The following PPP1R12A variants were observed in gnomAD, a reference collection of about 807,000 sequenced individuals.
PPP1R12A encodes the protein myosin binding subunit.
Under a neutral mutation model 139.6 loss-of-function variants are expected in PPP1R12A, and 19 were observed. The ratio of observed to expected loss-of-function variants is 0.14; its 90% CI spans 0.09 to 0.20. The LOEUF is 0.20. Among genes scored for constraint, PPP1R12A ranks in the 10% least tolerant of loss-of-function variants. The pLI is 1.00. For synonymous variants in PPP1R12A, 427 were observed against 420.6 expected, an observed-to-expected ratio of 1.02 and a Z score of -0.19; for missense variants, 925 against 1,211.5, an observed-to-expected ratio of 0.76 and a Z score of 3.51.
chr12:79,845,214 T>C, intron 3 of PPP1R12A, 88 bp downstream of exon 3: 1 of 931,490 alleles, frequency 1.1e-6, no homozygotes, highest in Non-Finnish European at 1.7e-6. Flanking sequence ...AAATTATGAT[T>C]GCCCTTCAAT....
intron 1 of PPP1R12A, among the ~76,000 whole-genome samples, chr12:79,877,158 A>G (rs1565792663): frequency 1.3e-5 from 2 of 152,134 alleles, no homozygotes; most frequent in South Asian, 4.2e-4. Flanking sequence ...TGGAGGGAAG[A>G]AGTGTGAGGG....
chr12:79,829,816 G>C (rs141288874), intron 4 of PPP1R12A, among the ~76,000 whole-genome samples: 75 of 152,114 alleles, frequency 4.9e-4, no homozygotes, highest in African/African-American at 1.7e-3. Context: ...TTAGAAGTCT[G>C]TGTGGCGAGA....
intron 5 of PPP1R12A, among the ~76,000 whole-genome samples, chr12:79,826,799 T>G (rs1208719829): frequency 1.3e-5 from 2 of 152,190 alleles, no homozygotes; most frequent in East Asian, 3.8e-4. Context: ...ACACCATGTT[T>G]CAACTTGTAA....
chr12:79,853,234 T>C (rs1880263221), intron 2 of PPP1R12A, among the ~76,000 whole-genome samples: 1 of 152,230 alleles, frequency 6.6e-6, no homozygotes, highest in African/African-American at 2.4e-5. Flanking sequence ...GTCCCTCTAC[T>C]AGTATTTAAA....
In PPP1R12A at chr12:79,830,103, T is replaced by TA. The variant is rs767888100; in HGVS notation, c.648-1640dup. ...TTCATAAGTAATATGTTCACAAAGT[T>TA]AAAAAAAAAAAGAATGAAAGGATAC... On this transcript the variant is annotated intron_variant, in intron 4 of 24. Coordinates refer to ENST00000450142, the MANE Select transcript of PPP1R12A (RefSeq NM_002480.3). Among the ~76,000 whole-genome samples the TA allele has an allele frequency of 3.0e-3, 444 of 145,648 alleles. 2 individuals carry two copies. The highest frequency in any genetic ancestry group is 7.6e-3 in the African/African-American group (305 of 39,982).
At chr12:79,797,063 A>G in intron 16 of PPP1R12A, 113 bp from the exon 17 acceptor site, 12 of 1,373,052 alleles carry the variant, frequency 8.7e-6, no homozygotes, top group Non-Finnish European at 1.2e-5. Context: ...CGCCAAAGTA[A>G]TTCAAATTTC....
chr12:79,825,173 A>G (rs762118263), intron 5 of PPP1R12A: 7 of 152,176 alleles, frequency 4.6e-5, no homozygotes, highest in Non-Finnish European at 7.4e-5. Flanking sequence ...TGTCTTTATC[A>G]AAAATAAAAA....
intron 1 of PPP1R12A, among the ~76,000 whole-genome samples, chr12:79,912,647 T>C (rs556843775): frequency 2.6e-4 from 39 of 151,922 alleles, no homozygotes; most frequent in Admixed American, 9.2e-4. Context: ...TGAGCCGTGA[T>C]TGTGCCATTG....
At position 79,850,041 on chromosome 12, in the gene PPP1R12A, T is replaced by C. The variant is rs1266409550; in HGVS notation, c.369-4621A>G. ...TGGGGTCTCCCTTTGTGGCCCAGGC[T>C]GGTCCCAAACTCCTGGCATTATGCA... is the stretch of plus-strand genomic sequence containing the variant. On this transcript the variant is annotated intron_variant, in intron 2 of 24. Coordinates refer to ENST00000450142, the MANE Select transcript of PPP1R12A (RefSeq NM_002480.3). 5.9e-5 allele frequency among the ~76,000 whole-genome samples: 9 copies of C among 152,080 alleles called. No homozygotes were observed. The South Asian group carries it at 1.9e-3, about 32-fold the overall frequency.
At chr12:79,907,051 T>C (rs1471932447) in intron 1 of PPP1R12A, among the ~76,000 whole-genome samples, 1 of 152,172 alleles carries the variant, frequency 6.6e-6, no homozygotes, top group Admixed American at 6.6e-5. Context: ...TTCATTAATA[T>C]ATAAATACAG....
chr12:79,804,219 T>A (rs1376156916), intron 14 of PPP1R12A, among the ~76,000 whole-genome samples: 1 of 152,054 alleles, frequency 6.6e-6, no homozygotes, highest in Non-Finnish European at 1.5e-5. Context: ...CTCAAACTTA[T>A]TTAAGTTTGA....
intron 18 of PPP1R12A, among the ~76,000 whole-genome samples, chr12:79,794,308 T>C (rs1343474192): frequency 2.0e-5 from 3 of 152,042 alleles, no homozygotes; most frequent in Non-Finnish European, 4.4e-5. Flanking sequence ...AATAGACATA[T>C]GCACTCTTGA....
At chr12:79,882,560 T>C in intron 1 of PPP1R12A, among the ~76,000 whole-genome samples, 1 of 152,306 alleles carries the variant, frequency 6.6e-6, no homozygotes, top group Admixed American at 6.5e-5. Flanking sequence ...AATCTACTCC[T>C]GGTGAAGATG....
chr12:79,865,052 C>T (rs558174903), intron 2 of PPP1R12A, among the ~76,000 whole-genome samples: 4 of 152,238 alleles, frequency 2.6e-5, no homozygotes, highest in South Asian at 2.1e-4. Flanking sequence ...TGATGAACAT[C>T]GATGTGAAAA....
chr12:79,814,147 A>T (rs1874952636), intron 9 of PPP1R12A, among the ~76,000 whole-genome samples: 1 of 152,180 alleles, frequency 6.6e-6, no homozygotes, highest in Admixed American at 6.6e-5. Flanking sequence ...ATCACTGAAA[A>T]TAACAGGTTT....
intron 3 of PPP1R12A, among the ~76,000 whole-genome samples, chr12:79,841,069 AG>A (rs1254046971): frequency 1.4e-4 from 21 of 145,486 alleles, no homozygotes; most frequent in African/African-American, 5.0e-4. Context: ...AAAAAAAAAA[AG>A]AGAGAGAGAG....
intron 1 of PPP1R12A, among the ~76,000 whole-genome samples, chr12:79,883,773 G>A (rs530461907): frequency 6.6e-6 from 1 of 151,860 alleles, no homozygotes; most frequent in Non-Finnish European, 1.5e-5. Flanking sequence ...AAGGAAAGGG[G>A]TAAGATTAAA....
intron 2 of PPP1R12A, among the ~76,000 whole-genome samples, chr12:79,850,713 G>C (rs1401499206): frequency 6.6e-6 from 1 of 152,152 alleles, no homozygotes; most frequent in Non-Finnish European, 1.5e-5. Flanking sequence ...GGTGGGAGGT[G>C]ACTGGATCAT....
At chr12:79,816,931 A>T (rs1405267621) in intron 9 of PPP1R12A, among the ~76,000 whole-genome samples, 1 of 152,146 alleles carries the variant, frequency 6.6e-6, no homozygotes, top group Non-Finnish European at 1.5e-5. Flanking sequence ...CTATGAGTTT[A>T]AAAAATTTAG....
Sources: gnomAD v4.1 joint callset for allele counts (sites outside exome capture counted in the v4.1 genomes callset) on GRCh38, gnomAD v4.1.1 for gene constraint, MANE v1.5 for transcripts, NCBI Gene and HGNC (gene_info 2026-07-23, HGNC 2026-07-21) for gene names.